The following SNRPN variants were observed in gnomAD, a reference collection of about 807,000 sequenced individuals.
SNRPN encodes small nuclear ribonucleoprotein-associated protein N.
In SNRPN, 7 loss-of-function variants were observed where a neutral mutation model predicts 25.2. The ratio of observed to expected loss-of-function variants is 0.28; its 90% confidence interval spans 0.16 to 0.52. SNRPN has a LOEUF of 0.52. SNRPN is among the 20% of genes least tolerant of loss of function. The pLI is 0.96. For synonymous variants in SNRPN, 124 were observed against 110.6 expected (o/e 1.12, Z -0.76); for missense variants, 196 against 322.5 (o/e 0.61, Z 3.00).
chr15:24,939,988 C>G (rs1036779920), intron 3 of SNRPN, among the ~76,000 whole-genome samples: 1 of 152,048 alleles, frequency 6.6e-6, no homozygotes, highest in Non-Finnish European at 1.5e-5. Flanking sequence ...TGTGATTTCA[C>G]CATGTTGGCC....
At chr15:24,863,774 G>A (rs2054245766) in intron 1 of SNRPN, among the ~76,000 whole-genome samples, 1 of 150,586 alleles carries the variant, frequency 6.6e-6, no homozygotes, top group Non-Finnish European at 1.5e-5. Flanking sequence ...AGTTTAGGGT[G>A]TTCTGTTTTC....
Position 24,962,217 on chromosome 15 carries a change from C to A in SNRPN, c.-295+8C>A. ...CTCACTGAGCAACCAAGAGTGAGTACAGACTGTGTTGGGAACAAATGCAAG... is the reference window on the plus strand; with the variant it reads ...CTCACTGAGCAACCAAGAGTGAGTAAAGACTGTGTTGGGAACAAATGCAAG... On this transcript the variant is annotated splice_region_variant and intron_variant, in intron 2 of 9. Coordinates refer to ENST00000390687, the MANE Select transcript of SNRPN (RefSeq NM_003097.6). 6.2e-7 allele frequency: 1 copy of A among 1,610,164 alleles called. No individual in the cohort carries two copies. Among genetic ancestry groups the A allele is most frequent in the Non-Finnish European group, 8.5e-7 (1 of 1,176,534 alleles).
chr15:24,880,444 G>A (rs1421371851), intron 1 of SNRPN, among the ~76,000 whole-genome samples: 1 of 152,106 alleles, frequency 6.6e-6, no homozygotes, highest in Non-Finnish European at 1.5e-5. Context: ...GGGGATAAGT[G>A]AGTGGTAAAA....
intron 2 of SNRPN, among the ~76,000 whole-genome samples, chr15:24,902,557 A>G (rs567850610): frequency 6.6e-6 from 1 of 152,284 alleles, no homozygotes; most frequent in Non-Finnish European, 1.5e-5. Flanking sequence ...GCACCCTGGC[A>G]GTGAGTGTTA....
intron 3 of SNRPN, 70 bp from the exon 4 acceptor site, chr15:24,974,241 A>G (rs2076806007): frequency 1.7e-6 from 1 of 583,418 alleles, no homozygotes; most frequent in Middle Eastern, 2.7e-4. Flanking sequence ...AGTGATTTTC[A>G]TGCAAAATTG....
At chr15:24,937,665 C>G (rs1054219556) in intron 3 of SNRPN, among the ~76,000 whole-genome samples, 2 of 152,156 alleles carry the variant, frequency 1.3e-5, no homozygotes, top group African/African-American at 2.4e-5. Context: ...GTTTCAGGGG[C>G]ACTAAGTGCA....
intron 1 of SNRPN, among the ~76,000 whole-genome samples, chr15:24,871,636 T>A (rs1042875391): frequency 6.6e-6 from 1 of 152,006 alleles, no homozygotes; most frequent in Admixed American, 6.6e-5. Context: ...TCTTTTATTT[T>A]TTGAGATGTG....
Position 24,929,232 on chromosome 15 carries a change from A to G in SNRPN, c.-391+9108A>G, listed in dbSNP as rs768506862. On this transcript the variant is annotated intron_variant, in intron 3 of 11. Coordinates refer to the SNRPN transcript ENST00000400097. The surrounding 1 kb of genome is among the most constrained non-coding windows in gnomAD (Gnocchi z 5.3). ...ATAGTGATATTTTCCATCCCAATCT[A>G]CACCGCAGGGTTTTTCCTTGCCTTC... 6.6e-6 allele frequency among the ~76,000 whole-genome samples: 1 copy of G among 152,094 alleles called. No homozygotes were observed. The highest frequency in any genetic ancestry group is 1.5e-5 in the Non-Finnish European group (1 of 68,012).
chr15:24,892,588 T>G (rs536629227), intron 2 of SNRPN, among the ~76,000 whole-genome samples: 1 of 152,192 alleles, frequency 6.6e-6, no homozygotes, highest in Non-Finnish European at 1.5e-5. Context: ...AATACAAAAA[T>G]TAGTTGGGTG....
At chr15:24,902,427 G>T (rs996205347) in intron 2 of SNRPN, among the ~76,000 whole-genome samples, 1 of 152,148 alleles carries the variant, frequency 6.6e-6, no homozygotes, top group African/African-American at 2.4e-5. Flanking sequence ...AGAAAAAATG[G>T]ATTTTTGTTC....
chr15:24,882,717 C>A (rs1393279256), intron 1 of SNRPN, among the ~76,000 whole-genome samples: 1 of 151,596 alleles, frequency 6.6e-6, no homozygotes, highest in Non-Finnish European at 1.5e-5. Context: ...CCCAGCTACT[C>A]AGGAGGCTGA....
At chr15:24,970,525 G>A (rs1165070681) in intron 3 of SNRPN, among the ~76,000 whole-genome samples, 2 of 152,196 alleles carry the variant, frequency 1.3e-5, no homozygotes, top group Non-Finnish European at 2.9e-5. Context: ...GTTGCATTGA[G>A]CAGAGATTGT....
intron 1 of SNRPN, among the ~76,000 whole-genome samples, chr15:24,865,258 G>A (rs1014840109): frequency 6.6e-6 from 1 of 152,064 alleles, no homozygotes; most frequent in African/African-American, 2.4e-5. Flanking sequence ...TGTTGGCCAG[G>A]CTGGTCTTGA....
At chr15:24,891,093 T>C (rs74765053) in intron 2 of SNRPN, among the ~76,000 whole-genome samples, 8,307 of 152,132 alleles carry the variant, frequency 0.055, 301 homozygotes, top group Middle Eastern at 0.085. Context: ...GTATTTTTAG[T>C]AGAGATGGGA....
intron 2 of SNRPN, among the ~76,000 whole-genome samples, chr15:24,834,418 C>T (rs578161866): frequency 6.6e-6 from 1 of 152,142 alleles, no homozygotes; most frequent in East Asian, 1.9e-4. Flanking sequence ...ACAAAATAAA[C>T]TGATTTGTGT....
chr15:24,888,297 C>G (rs2057366610), intron 2 of SNRPN, among the ~76,000 whole-genome samples: 1 of 151,940 alleles, frequency 6.6e-6, no homozygotes, highest in Non-Finnish European at 1.5e-5. Context: ...TTAGTAGAGA[C>G]AGGTTTCACT....
At chr15:24,953,953 T>C (rs2062482584), upstream of SNRPN, among the ~76,000 whole-genome samples, 1 of 152,222 alleles carries the variant, frequency 6.6e-6, no homozygotes. Context: ...GAGCAGTAGC[T>C]TACAGGGCTT....
rs149718226 is a variant in SNRPN, at chr15:24,875,380, T to C, written c.-578-11136T>C. On this transcript the variant is annotated intron_variant, in intron 1 of 11. Coordinates refer to the SNRPN transcript ENST00000400097. The stretch of plus-strand genomic sequence containing the variant: ...TTTTCTATGATAAATACATCCTAAG[T>C]CTAGTTTCAGAAATTGTGCTTTACA... Among the ~76,000 whole-genome samples the C allele has an allele frequency of 6.8e-3, 1,037 of 152,294 alleles. 12 individuals are homozygous for C. The highest frequency in any genetic ancestry group is 0.024 in the African/African-American group (995 of 41,564).
intron 2 of SNRPN, among the ~76,000 whole-genome samples, chr15:24,915,824 G>T (rs1218014500): frequency 2.6e-5 from 4 of 152,182 alleles, no homozygotes; most frequent in Admixed American, 2.0e-4. Context: ...AGGGGTGGCA[G>T]GGAATAATTC....
Sources: gnomAD v4.1 joint callset for allele counts (sites outside exome capture counted in the v4.1 genomes callset) on GRCh38, gnomAD v4.1.1 for gene constraint, Gnocchi (gnomAD v3.1) non-coding constraint, MANE v1.5 for transcripts, NCBI Gene and HGNC (gene_info 2026-07-23, HGNC 2026-07-21) for gene names.